Variants in STAG1 observed in about 807,000 individuals in gnomAD.
STAG1 encodes the protein STAG1 cohesin complex component, also known as cohesin subunit SA-1.
A neutral mutation model predicts 170.9 loss-of-function variants in STAG1; 26 were observed. The ratio of observed to expected loss-of-function variants is 0.15; its 90% CI spans 0.11 to 0.21. The LOEUF is 0.21. Ranked by LOEUF, STAG1 falls within the 10% of genes least tolerant of loss-of-function variation. The probability of loss-of-function intolerance (pLI) is 1.00; values close to 1 mark genes in which losing one functional copy is unlikely to be tolerated. For missense variants in STAG1, 964 were observed against 1,509.5 expected, an observed-to-expected ratio of 0.64 and a Z score of 5.99; for synonymous variants, 514 against 497.7, an observed-to-expected ratio of 1.03 and a Z score of -0.44.
intron 1 of STAG1, among the ~76,000 whole-genome samples, chr3:136,674,541 A>G (rs1376549770): frequency 6.6e-6 from 1 of 152,184 alleles, no homozygotes; most frequent in African/African-American, 2.4e-5. Context: ...AACTTTCTGG[A>G]GTGCTAGAAA....
chr3:136,469,773 G>C (rs1236984802), intron 12 of STAG1, among the ~76,000 whole-genome samples: 1 of 151,978 alleles, frequency 6.6e-6, no homozygotes, highest in Non-Finnish European at 1.5e-5. Flanking sequence ...CATGGTACTG[G>C]TACCAAAACA....
At chr3:136,634,059 T>G (rs1655482879) in intron 1 of STAG1, among the ~76,000 whole-genome samples, 1 of 145,758 alleles carries the variant, frequency 6.9e-6, no homozygotes, top group Admixed American at 7.2e-5. Context: ...GAGAATCACT[T>G]GAACCCAGGA....
chr3:136,607,528 G>A (rs903779292), intron 3 of STAG1, among the ~76,000 whole-genome samples: 1 of 152,116 alleles, frequency 6.6e-6, no homozygotes, highest in East Asian at 1.9e-4. Flanking sequence ...TCAGCCTCCT[G>A]AGTAGCTGGG....
At chr3:136,524,320 A>T (rs1290935956) in intron 6 of STAG1, among the ~76,000 whole-genome samples, 1 of 152,102 alleles carries the variant, frequency 6.6e-6, no homozygotes, top group African/African-American at 2.4e-5. Flanking sequence ...CATCCCTTGT[A>T]GGTTGGATTC....
At chr3:136,575,478 G>GCTTGACAATACCATA (rs1385345048) in intron 4 of STAG1, among the ~76,000 whole-genome samples, 2 of 152,140 alleles carry the variant, frequency 1.3e-5, no homozygotes, top group African/African-American at 2.4e-5. Context: ...TCCCACCTTG[G>GCTTGACAATACCATA]CCTACCAAAG....
chr3:136,579,154 T>C (rs1443544228), intron 4 of STAG1, among the ~76,000 whole-genome samples: 3 of 152,224 alleles, frequency 2.0e-5, no homozygotes, highest in Non-Finnish European at 2.9e-5. Context: ...TTACATTAAC[T>C]GTAGTGGCAG....
At chr3:136,355,351 TAAAAAAAAA>T (rs370605205) in intron 28 of STAG1, among the ~76,000 whole-genome samples, 3 of 29,968 alleles carry the variant, frequency 1.0e-4, no homozygotes, top group East Asian at 1.5e-3. Context: ...GACTCCATCT[TAAAAAAAAA>T]AAAAAAAAAA....
chr3:136,678,450 G>A (rs1942212346), intron 1 of STAG1, among the ~76,000 whole-genome samples: 1 of 149,230 alleles, frequency 6.7e-6, no homozygotes, highest in African/African-American at 2.5e-5. Flanking sequence ...TTTAAGTGTT[G>A]AGAATCTCCA....
chr3:136,418,717 C>T (rs1177518723), intron 20 of STAG1, among the ~76,000 whole-genome samples: 2 of 151,888 alleles, frequency 1.3e-5, no homozygotes, highest in East Asian at 3.9e-4. Context: ...TCTTGGCTCA[C>T]TGCAACCTCC....
chr3:136,431,317 G>A (rs1430648202), intron 16 of STAG1, among the ~76,000 whole-genome samples: 1 of 151,980 alleles, frequency 6.6e-6, no homozygotes, highest in South Asian at 2.1e-4. Flanking sequence ...CTGTTGCCCA[G>A]GCTGGAGTGC....
intron 9 of STAG1, among the ~76,000 whole-genome samples, chr3:136,479,149 C>T (rs1393165734): frequency 7.0e-6 from 1 of 143,834 alleles, no homozygotes; most frequent in African/African-American, 2.6e-5. Flanking sequence ...CATATGTATA[C>T]ATGTGCCATG....
chr3:136,582,214 T>TGGGGGGGG (rs1937605598), intron 4 of STAG1, among the ~76,000 whole-genome samples: 1 of 27,332 alleles, frequency 3.7e-5, no homozygotes, highest in Admixed American at 4.3e-4. Flanking sequence ...GTTGAAGAGG[T>TGGGGGGGG]GGGGGTGGGG....
chr3:136,433,965 C>T (rs1018513743), intron 15 of STAG1, among the ~76,000 whole-genome samples: 4 of 151,920 alleles, frequency 2.6e-5, no homozygotes, highest in African/African-American at 9.7e-5. Flanking sequence ...TTCAAAACTC[C>T]TAATTTTTCT....
intron 7 of STAG1, among the ~76,000 whole-genome samples, chr3:136,517,805 T>C (rs1260431976): frequency 6.6e-6 from 1 of 152,058 alleles, no homozygotes; most frequent in Non-Finnish European, 1.5e-5. Flanking sequence ...TAAGGGCACT[T>C]AGCTCTGAAG....
intron 28 of STAG1, among the ~76,000 whole-genome samples, chr3:136,355,037 T>A (rs1326172524): frequency 6.6e-6 from 1 of 151,524 alleles, no homozygotes; most frequent in Non-Finnish European, 1.5e-5. Context: ...ACTCAACTGG[T>A]CAGGAAGATG....
intron 15 of STAG1, among the ~76,000 whole-genome samples, chr3:136,438,236 TTTTC>T (rs1212336389): frequency 8.1e-5 from 9 of 110,868 alleles, no homozygotes; most frequent in African/African-American, 2.2e-4. Flanking sequence ...GTTTAGTTTC[TTTTC>T]TTTTTTTTTT....
At chr3:136,720,642 T>C (rs556259630) in intron 1 of STAG1, among the ~76,000 whole-genome samples, 4 of 152,032 alleles carry the variant, frequency 2.6e-5, no homozygotes, top group Non-Finnish European at 4.4e-5. Context: ...ATACAAAAAT[T>C]AGCTGGGCAT....
At chr3:136,604,095 T>G (rs1360910674) in intron 4 of STAG1, among the ~76,000 whole-genome samples, 5 of 152,094 alleles carry the variant, frequency 3.3e-5, no homozygotes, top group African/African-American at 4.8e-5. Context: ...ACCTTTTTAC[T>G]TAGAACAATT....
At chr3:136,703,358 C>G (rs1333949303) in intron 1 of STAG1, among the ~76,000 whole-genome samples, 1 of 152,172 alleles carries the variant, frequency 6.6e-6, no homozygotes, top group Non-Finnish European at 1.5e-5. Context: ...CAGCAGCCCA[C>G]CTTTCTGATT....
Sources: gnomAD v4.1 joint callset for allele counts (sites outside exome capture counted in the v4.1 genomes callset) on GRCh38, gnomAD v4.1.1 for gene constraint, MANE v1.5 for transcripts, NCBI Gene and HGNC (gene_info 2026-07-23, HGNC 2026-07-21) for gene names.